HCN1: variants seen among roughly 807,000 people sequenced by gnomAD.
HCN1 encodes the protein potassium/sodium hyperpolarization-activated cyclic nucleotide-gated channel 1.
In HCN1, 13 loss-of-function variants were observed where a neutral mutation model predicts 78.9. That is an observed-to-expected ratio of 0.16 (90% CI 0.11 to 0.26). The LOEUF is 0.26. Among genes scored for constraint, HCN1 ranks in the 10% least tolerant of loss-of-function variants. HCN1 has a pLI of 1.00. For synonymous variants in HCN1, 552 were observed against 455.5 expected (o/e 1.21, Z -2.70); for missense variants, 810 against 1,154.3 (o/e 0.70, Z 4.32).
chr5:45,666,618 GA>G (rs1186088894), intron 1 of HCN1, among the ~76,000 whole-genome samples: 1 of 151,904 alleles, frequency 6.6e-6, no homozygotes, highest in African/African-American at 2.4e-5. Context: ...TATGTATGTG[GA>G]TAATTGTTTT....
chr5:45,669,419 T>C (rs950366460), intron 1 of HCN1, among the ~76,000 whole-genome samples: 1 of 151,750 alleles, frequency 6.6e-6, no homozygotes, highest in Non-Finnish European at 1.5e-5. Flanking sequence ...TTGGAGATAA[T>C]GACTTTAACA....
intron 2 of HCN1, among the ~76,000 whole-genome samples, chr5:45,513,988 A>G (rs1579942205): frequency 6.6e-6 from 1 of 152,082 alleles, no homozygotes; most frequent in Admixed American, 6.6e-5. Context: ...GCACTGATCA[A>G]CCTCTTGTTA....
intron 3 of HCN1, among the ~76,000 whole-genome samples, chr5:45,429,022 T>G (rs1322248147): frequency 6.6e-6 from 1 of 152,192 alleles, no homozygotes; most frequent in East Asian, 1.9e-4. Flanking sequence ...TTATTTTGAA[T>G]AAAGTATTCT....
Position 45,261,518 on chromosome 5 carries a change from A to G in HCN1, c.*403T>C. On this transcript the variant is annotated 3_prime_UTR_variant, in exon 8 of 8. Coordinates refer to ENST00000303230, the MANE Select transcript of HCN1 (RefSeq NM_021072.4). ...ATGAAAGAAAGTTTTGATTGGTGCT[A>G]TTTACTAGTTCATTTGAGTTGCCTT... The G allele has an allele frequency of 6.3e-6, 1 of 159,224 alleles. No homozygotes were observed. Among genetic ancestry groups the G allele is most frequent in the South Asian group, 1.7e-4 (1 of 5,828 alleles). 9.9% of individuals were successfully genotyped at this position (159,224 alleles called of 1,614,324 possible). A position where few individuals can be genotyped will look rare whatever the true frequency, so the allele number is the denominator to read the frequency against.
intron 2 of HCN1, among the ~76,000 whole-genome samples, chr5:45,534,164 G>A (rs1002021630): frequency 6.6e-6 from 1 of 151,870 alleles, no homozygotes; most frequent in Non-Finnish European, 1.5e-5. Context: ...GGGAGGTCAA[G>A]GTGGGTGGAT....
chr5:45,539,056 T>A (rs1163988601), intron 2 of HCN1, among the ~76,000 whole-genome samples: 1 of 152,206 alleles, frequency 6.6e-6, no homozygotes, highest in Non-Finnish European at 1.5e-5. Flanking sequence ...ATTTAAAGCG[T>A]AGGTTCAATA....
intron 2 of HCN1, among the ~76,000 whole-genome samples, chr5:45,493,308 A>G (rs1029335201): frequency 1.3e-5 from 2 of 152,066 alleles, no homozygotes; most frequent in African/African-American, 4.8e-5. Flanking sequence ...TAAAGAAATA[A>G]TGAGGCGTCA....
At chr5:45,401,872 TTTAATTAAACAAGG>T (rs1739814374) in intron 3 of HCN1, among the ~76,000 whole-genome samples, 1 of 151,984 alleles carries the variant, frequency 6.6e-6, no homozygotes, top group Non-Finnish European at 1.5e-5. Context: ...TATACTGAGT[TTTAATTAAACAAGG>T]TTTAATTAAA....
At chr5:45,353,320 C>T in intron 4 of HCN1, 74 bp from the exon 5 acceptor site, 2 of 1,156,722 alleles carry the variant, frequency 1.7e-6, no homozygotes, top group Non-Finnish European at 1.3e-6. Flanking sequence ...TTTTGTTTTG[C>T]TATATTCAAT....
intron 1 of HCN1, among the ~76,000 whole-genome samples, chr5:45,655,399 T>C (rs935918536): frequency 1.7e-4 from 26 of 152,166 alleles, no homozygotes; most frequent in African/African-American, 6.0e-4. Context: ...TAATTTCTTG[T>C]AATCAGAAAA....
rs532067480 is a variant in HCN1 at position 45,583,542 on chromosome 5, C to T, written c.849+61643G>A. ...CTATTTTCTTCAGTTCTGCTATGAT[C>T]TTAGTTATTTATTGCCTTCTACTAG... On this transcript the variant is annotated intron_variant, in intron 2 of 7. Coordinates refer to ENST00000303230, the MANE Select transcript of HCN1 (RefSeq NM_021072.4). Among the ~76,000 whole-genome samples, 244 of 152,182 alleles carry T rather than the reference C, an allele frequency of 1.6e-3. 6 individuals carry two copies. In the South Asian group the frequency reaches 0.05, roughly 31 times the overall value.
At chr5:45,487,698 T>C (rs953265512) in intron 2 of HCN1, among the ~76,000 whole-genome samples, 9 of 152,116 alleles carry the variant, frequency 5.9e-5, no homozygotes, top group Non-Finnish European at 1.3e-4. Flanking sequence ...CCAATGTCTA[T>C]GGCTTTAATA....
chr5:45,663,724 C>T (rs1288032637), intron 1 of HCN1, among the ~76,000 whole-genome samples: 1 of 151,926 alleles, frequency 6.6e-6, no homozygotes, highest in Non-Finnish European at 1.5e-5. Flanking sequence ...TCATCACTGG[C>T]CATCAGAGAA....
chr5:45,516,805 T>C (rs1579943846), intron 2 of HCN1, among the ~76,000 whole-genome samples: 1 of 152,022 alleles, frequency 6.6e-6, no homozygotes, highest in Non-Finnish European at 1.5e-5. Flanking sequence ...TTATTAAATA[T>C]TATTAGTTCA....
chr5:45,575,847 C>G (rs142219741), intron 2 of HCN1: 11 of 152,164 alleles, frequency 7.2e-5, no homozygotes, highest in African/African-American at 2.6e-4. Flanking sequence ...CATTCTGCAG[C>G]CCATGCTTCA....
At chr5:45,518,745 G>T (rs1742560238) in intron 2 of HCN1, among the ~76,000 whole-genome samples, 1 of 151,948 alleles carries the variant, frequency 6.6e-6, no homozygotes, top group South Asian at 2.1e-4. Flanking sequence ...GTTAGATAAT[G>T]AAGTTCTTTC....
intron 1 of HCN1, among the ~76,000 whole-genome samples, chr5:45,659,279 A>G (rs1745865825): frequency 7.7e-6 from 1 of 130,138 alleles, no homozygotes; most frequent in South Asian, 2.6e-4. Context: ...ACCAGAAAGG[A>G]CATCTACACC....
intron 2 of HCN1, among the ~76,000 whole-genome samples, chr5:45,629,653 C>T (rs1170085888): frequency 6.6e-6 from 1 of 152,010 alleles, no homozygotes; most frequent in East Asian, 1.9e-4. Context: ...CACTTAAGAT[C>T]TGGGTTTTAT....
intron 2 of HCN1, among the ~76,000 whole-genome samples, chr5:45,501,566 G>T (rs1742187389): frequency 6.6e-6 from 1 of 151,924 alleles, no homozygotes; most frequent in Non-Finnish European, 1.5e-5. Context: ...CCCTGAGTCT[G>T]AGTAGCTGGG....
Sources: allele counts gnomAD v4.1 joint callset (sites outside exome capture counted in the v4.1 genomes callset), GRCh38; gene constraint gnomAD v4.1.1; transcripts MANE v1.5; gene names NCBI Gene and HGNC (gene_info 2026-07-23, HGNC 2026-07-21).